SNX24: variants seen among roughly 807,000 people sequenced by gnomAD.
SNX24 encodes the protein sorting nexin-24.
A neutral mutation model predicts 28.7 loss-of-function variants in SNX24; 22 were observed. The ratio of observed to expected loss-of-function variants is 0.77; its 90% confidence interval spans 0.55 to 1.10. The LOEUF (loss-of-function observed/expected upper bound fraction) is 1.10, where lower values mean the gene tolerates loss of function less well. Among genes scored for constraint, SNX24 ranks in the 50% least tolerant of loss-of-function variants. The pLI is 0.00. For missense variants in SNX24, 221 were observed against 201.1 expected, an observed-to-expected ratio of 1.10 and a Z score of -0.60; for synonymous variants, 69 against 71.5, an observed-to-expected ratio of 0.96 and a Z score of 0.18.
Position 122,955,705 on chromosome 5 carries a change from A to C in SNX24, c.249+9546A>C, listed in dbSNP as rs942236072. Among the ~76,000 whole-genome samples, 54 of 152,172 alleles carry C rather than the reference A, an allele frequency of 3.5e-4. 1 individual carries two copies. Among genetic ancestry groups the C allele is most frequent in the Non-Finnish European group, 1.0e-4 (7 of 68,032 alleles). On this transcript the variant is annotated intron_variant, in intron 3 of 6. Transcript: ENST00000261369. ...TTGCTAGATTTCATCTGATGCCACCATAGAAGAGAAAGGGAGGAGTACCTC... is the reference window on the plus strand; with the variant it reads ...TTGCTAGATTTCATCTGATGCCACCCTAGAAGAGAAAGGGAGGAGTACCTC...
intron 5 of SNX24, chr5:123,024,038 T>C (rs747635407): frequency 3.8e-6 from 6 of 1,594,854 alleles, no homozygotes; most frequent in Non-Finnish European, 5.1e-6. Flanking sequence ...GGTTTAATTC[T>C]GACCAGCAGC....
intron 1 of SNX24, among the ~76,000 whole-genome samples, chr5:122,857,929 C>G (rs555063803): frequency 6.6e-6 from 1 of 152,178 alleles, no homozygotes; most frequent in South Asian, 2.1e-4. Flanking sequence ...ATTACAGGCA[C>G]GTGCCACGAT....
At chr5:122,906,541 C>T (rs1432603745) in intron 1 of SNX24, among the ~76,000 whole-genome samples, 1 of 152,034 alleles carries the variant, frequency 6.6e-6, no homozygotes, top group South Asian at 2.1e-4. Context: ...GAGTTTTGCC[C>T]TTTTTTGCCC....
At chr5:122,902,251 C>T (rs1356830560) in intron 1 of SNX24, among the ~76,000 whole-genome samples, 1 of 152,218 alleles carries the variant, frequency 6.6e-6, no homozygotes, top group Non-Finnish European at 1.5e-5. Flanking sequence ...CCTCTTGGCT[C>T]TCTATAGCCT....
At chr5:122,884,251 C>CTTTTTTTTTTTTT (rs758617172) in intron 1 of SNX24, among the ~76,000 whole-genome samples, 1 of 92,754 alleles carries the variant, frequency 1.1e-5, no homozygotes, top group Non-Finnish European at 1.9e-5. Context: ...GTTTCTTTTT[C>CTTTTTTTTTTTTT]TTTTTTTTTT....
intron 3 of SNX24, among the ~76,000 whole-genome samples, chr5:122,952,813 G>A (rs1760010342): frequency 1.3e-5 from 2 of 152,206 alleles, no homozygotes; most frequent in African/African-American, 2.4e-5. Flanking sequence ...TTAGAATTAA[G>A]TGTGTTATCC....
In SNX24 at chr5:123,007,856, T is replaced by C; in HGVS notation, c.*107T>C. The C allele has an allele frequency of 2.6e-6, 4 of 1,519,112 alleles. No homozygotes were observed. Among genetic ancestry groups the C allele is most frequent in the Non-Finnish European group, 3.5e-6 (4 of 1,137,562 alleles). The allele number at this position is 1,519,112 out of a possible 1,614,324, so 94.1% of individuals were successfully genotyped here. ...CGCTATGATATATAACAGCTCTAGC[T>C]AGTGGTAAAGTGCACAGTCCCAGCT... On this transcript the variant is annotated 3_prime_UTR_variant, in exon 7 of 7. Transcript: ENST00000261369.
intron 1 of SNX24, among the ~76,000 whole-genome samples, chr5:122,899,229 C>T (rs1757329572): frequency 1.3e-5 from 2 of 152,098 alleles, no homozygotes; most frequent in African/African-American, 4.8e-5. Flanking sequence ...TAGTAAATCC[C>T]TTGCTGTTGG....
chr5:122,851,665 G>A (rs922116911), intron 1 of SNX24, among the ~76,000 whole-genome samples: 3 of 152,032 alleles, frequency 2.0e-5, no homozygotes, highest in African/African-American at 7.2e-5. Context: ...TTATATATAG[G>A]ATCATAATGT....
intron 3 of SNX24, among the ~76,000 whole-genome samples, chr5:122,982,570 G>T (rs396941): frequency 0.22 from 33,937 of 152,138 alleles, 4,825 homozygotes; most frequent in Non-Finnish European, 0.33. Context: ...TATTGAGAAA[G>T]CTACTGTGGC....
At chr5:122,847,545 G>T (rs1281381085) in intron 1 of SNX24, among the ~76,000 whole-genome samples, 2 of 132,636 alleles carry the variant, frequency 1.5e-5, no homozygotes, top group Admixed American at 8.8e-5. Flanking sequence ...CCAGGCTGGA[G>T]TGCAGTGGGG....
intron 3 of SNX24, among the ~76,000 whole-genome samples, chr5:122,996,627 G>A (rs62377424): frequency 0.22 from 33,922 of 152,098 alleles, 4,830 homozygotes; most frequent in Non-Finnish European, 0.33. Context: ...ATCCATCGCT[G>A]ATTGTGTATC....
At chr5:122,865,729 C>T (rs991727445) in intron 1 of SNX24, among the ~76,000 whole-genome samples, 4 of 152,178 alleles carry the variant, frequency 2.6e-5, no homozygotes, top group Non-Finnish European at 4.4e-5. Flanking sequence ...GGCAGGTTCT[C>T]TAACACACTA....
In SNX24 at chr5:123,008,539, T is replaced by C. The variant is rs958348045; in HGVS notation, c.*790T>C. 1.4e-5 allele frequency: 2 copies of C among 147,862 alleles called. No homozygotes were observed. The highest frequency in any genetic ancestry group is 2.6e-5 in the African/African-American group (1 of 37,752). 9.2% of individuals were successfully genotyped at this position (147,862 alleles called of 1,614,324 possible). A position where few individuals can be genotyped will look rare whatever the true frequency, so the allele number is the denominator to read the frequency against. ...GACCAAGTGAAGTTGTTGGTGTTTG[T>C]TTAGGGGCCATTTTGTTAAAAAAAA... On this transcript the variant is annotated 3_prime_UTR_variant, in exon 7 of 7. Coordinates refer to ENST00000261369, the MANE Select transcript of SNX24 (RefSeq NM_014035.4).
intron 2 of SNX24, among the ~76,000 whole-genome samples, chr5:122,945,259 T>G (rs972100046): frequency 6.6e-6 from 1 of 152,232 alleles, no homozygotes; most frequent in African/African-American, 2.4e-5. Context: ...GTGATTACAT[T>G]GAGCCCACCC....
intron 1 of SNX24, among the ~76,000 whole-genome samples, chr5:122,889,697 GTGTA>G (rs1169639447): frequency 7.7e-6 from 1 of 129,664 alleles, no homozygotes; most frequent in Non-Finnish European, 1.6e-5. Context: ...GTATATGTAT[GTGTA>G]TATATATGTA....
intron 5 of SNX24, chr5:123,023,990 G>A: frequency 6.2e-7 from 1 of 1,613,200 alleles, no homozygotes; most frequent in Non-Finnish European, 8.5e-7. Context: ...GAGCTCTATG[G>A]AGTGCACCAC....
At position 123,001,973 on chromosome 5, in the gene SNX24, C is replaced by G; in HGVS notation, c.411C>G (p.Leu137=). 1 of 1,614,172 alleles carries G rather than the reference C, an allele frequency of 6.2e-7. No individual in the cohort carries two copies. ...KLSHQPVLLF[L]RDPYVLPAAS... The stretch of plus-strand genomic sequence containing the variant: ...CCCACCAGCCTGTGCTGCTGTTCCT[C>G]AGGGATCCATATGTCTTGCCTGCAG... The change falls in exon 6 of 7, where the codon CTC becomes CTG. Residue 137 remains leucine, a synonymous_variant. Coordinates refer to ENST00000261369, the MANE Select transcript of SNX24 (RefSeq NM_014035.4).
chr5:122,946,740 G>A lies in SNX24; in HGVS notation c.249+581G>A, dbSNP rs141290701. ...CCTAAGTGAGAATAGGACAAAGACC[G>A]TCTCTTTACCAAGTGACAGAAGAAG... On this transcript the variant is annotated intron_variant, in intron 3 of 6. Transcript: ENST00000261369. Among the ~76,000 whole-genome samples the A allele has an allele frequency of 1.1e-3, 161 of 152,312 alleles. 1 individual carries two copies. Among genetic ancestry groups the A allele is most frequent in the African/African-American group, 3.6e-3 (151 of 41,560 alleles).
Sources: allele counts gnomAD v4.1 joint callset (sites outside exome capture counted in the v4.1 genomes callset), GRCh38; gene constraint gnomAD v4.1.1; transcripts MANE v1.5; gene names NCBI Gene and HGNC (gene_info 2026-07-23, HGNC 2026-07-21).